Variants in AMER2 observed in about 807,000 individuals in gnomAD.
The protein encoded by AMER2 is APC membrane recruitment protein 2.
A neutral mutation model predicts 4.7 loss-of-function variants in AMER2; 1 was observed. The observed-to-expected ratio is 0.21, with a 90% confidence interval of 0.07 to 1.00. AMER2 has a LOEUF of 1.00. Among genes scored for constraint, AMER2 ranks in the 50% least tolerant of loss-of-function variants. AMER2 has a pLI of 0.60. For missense variants in AMER2, 988 were observed against 966.9 expected, an observed-to-expected ratio of 1.02 and a Z score of -0.29; for synonymous variants, 485 against 433.3, an observed-to-expected ratio of 1.12 and a Z score of -1.48.
In AMER2 at chr13:25,171,092, G is replaced by A; in HGVS notation, c.528C>T (p.Gly176=). The A allele has an allele frequency of 6.4e-7, 1 of 1,566,850 alleles. No homozygotes were observed. The highest frequency in any genetic ancestry group is 8.6e-7 in the Non-Finnish European group (1 of 1,157,750). Residue 176 remains glycine, a synonymous_variant, in exon 1 of 1, where the codon GGC becomes GGT. Transcript: ENST00000515384. This position sits in a 1 kb window ranked among gnomAD's most constrained non-coding sequence, Gnocchi z 5.9. ...LLKKNGRSEN[G]KGEPVDASKA... is the part of the protein sequence containing the mutation. ...TGCTCGCGTCCACAGGCTCTCCCTT[G>A]CCGTTTTCCGAGCGCCCGTTCTTCT...
At position 25,169,466 on chromosome 13, in the gene AMER2, T is replaced by C; in HGVS notation, c.*138A>G. The C allele has an allele frequency of 2.5e-6, 3 of 1,200,446 alleles. No homozygotes were observed. The highest frequency in any genetic ancestry group is 3.4e-5 in the South Asian group (2 of 58,272). 74.4% of individuals were successfully genotyped at this position (1,200,446 alleles called of 1,614,324 possible). A position where few individuals can be genotyped will look rare whatever the true frequency, so the allele number is the denominator to read the frequency against. On this transcript the variant is annotated 3_prime_UTR_variant, in exon 1 of 1. Coordinates refer to ENST00000515384, the MANE Select transcript of AMER2 (RefSeq NM_152704.4). The surrounding 1 kb of genome is among the most constrained non-coding windows in gnomAD (Gnocchi z 4.2). ...GCTCAGGGCACAAAGACCTCCTCGG[T>C]CCACGCTCTGGAGCAGGGCGGGGGA...
Position 25,171,855 on chromosome 13 carries a change from TGATTGCA to T in AMER2, c.-243_-237del, listed in dbSNP as rs543240039. 4.4e-4 allele frequency: 305 copies of T among 693,242 alleles called. No homozygotes were observed. The African/African-American group carries it at 5.2e-3, about 12-fold the overall frequency. 42.9% of individuals were successfully genotyped at this position (693,242 alleles called of 1,614,324 possible). On this transcript the variant is annotated 5_prime_UTR_variant, in exon 1 of 1. Coordinates refer to ENST00000515384, the MANE Select transcript of AMER2 (RefSeq NM_152704.4). This position sits in a 1 kb window ranked among gnomAD's most constrained non-coding sequence, Gnocchi z 5.9. ...AGGAGCAGGCAACACAGCCGCGAGC[TGATTGCA>T]GAAATTCGAGTCGTAATTATGGAAT... is the stretch of plus-strand genomic sequence containing the variant.
In AMER2 at chr13:25,169,987, T is replaced by C. The variant is rs1418244171; in HGVS notation, c.1633A>G (p.Ile545Val). Reference protein sequence around the residue: ...DSSSSGKKAGIPRDSYSGDAL... With the variant: ...DSSSSGKKAGVPRDSYSGDAL... ...TCCCCGCTGTAGCTATCCCGGGGGA[T>C]GCCCGCCTTCTTCCCGCTGCTCGAG... The change falls in exon 1 of 1, where the codon ATC becomes GTC. Residue 545 changes from isoleucine (I) to valine (V), a missense_variant. By Grantham distance (29) the Ile-to-Val change is conservative. Coordinates refer to ENST00000515384, the MANE Select transcript of AMER2 (RefSeq NM_152704.4). The surrounding 1 kb of genome is among the most constrained non-coding windows in gnomAD (Gnocchi z 4.2). 6.2e-7 allele frequency: 1 copy of C among 1,613,930 alleles called. No homozygotes were observed. The highest frequency in any genetic ancestry group is 8.5e-7 in the Non-Finnish European group (1 of 1,179,980).
Position 25,169,779 on chromosome 13 carries a change from T to C in AMER2, c.1841A>G (p.His614Arg). The change falls in exon 1 of 1, where the codon CAC (histidine) becomes CGC (arginine). Residue 614 changes from histidine to arginine, a missense_variant. By Grantham distance (29) the His-to-Arg change is conservative. Coordinates refer to ENST00000515384, the MANE Select transcript of AMER2 (RefSeq NM_152704.4). This position sits in a 1 kb window ranked among gnomAD's most constrained non-coding sequence, Gnocchi z 4.2. ...KDSKIPISIKHLTNLPSSHPV... is the reference protein window; with the variant it reads ...KDSKIPISIKRLTNLPSSHPV... ...ATGGCTAGATGGAAGGTTGGTCAGGTGCTTGATGCTAATAGGGATCTTAGA... is the reference window on the plus strand; with the variant it reads ...ATGGCTAGATGGAAGGTTGGTCAGGCGCTTGATGCTAATAGGGATCTTAGA... 6.2e-7 allele frequency: 1 copy of C among 1,614,198 alleles called. No homozygotes were observed. Among genetic ancestry groups the C allele is most frequent in the Non-Finnish European group, 8.5e-7 (1 of 1,180,028 alleles).
In AMER2 at chr13:25,170,926, C is replaced by T. The variant is rs772426793; in HGVS notation, c.694G>A (p.Ala232Thr). Residue 232 changes from alanine (A) to threonine (T), a missense_variant, in exon 1 of 1, where the codon GCC becomes ACC. By Grantham distance (58) the Ala-to-Thr change is moderately conservative. Coordinates refer to ENST00000515384, the MANE Select transcript of AMER2 (RefSeq NM_152704.4). This position sits in a 1 kb window ranked among gnomAD's most constrained non-coding sequence, Gnocchi z 7.3. ...TCCTCCTTGACGCACTCCAGGCTGGCGGTGAGCGAGCCGGGTAGGATCAAG... is the reference window on the plus strand; with the variant it reads ...TCCTCCTTGACGCACTCCAGGCTGGTGGTGAGCGAGCCGGGTAGGATCAAG... The part of the protein sequence containing the change: ...GGLILPGSLT[A>T]SLECVKEETP... 4.0e-6 allele frequency: 6 copies of T among 1,486,860 alleles called. No individual in the cohort carries two copies. The African/African-American group carries it at 7.3e-5, about 18-fold the overall frequency. 92.1% of individuals were successfully genotyped at this position (1,486,860 alleles called of 1,614,324 possible). A position where few individuals can be genotyped will look rare whatever the true frequency, so the allele number is the denominator to read the frequency against.
rs1485170844 is a variant in AMER2, at chr13:25,166,657, C to T, written c.*2947G>A. The T allele has an allele frequency of 4.6e-5, 7 of 152,136 alleles. No individual in the cohort carries two copies. The highest frequency in any genetic ancestry group is 1.4e-4 in the African/African-American group (6 of 41,434). 9.4% of individuals were successfully genotyped at this position (152,136 alleles called of 1,614,324 possible). On this transcript the variant is annotated 3_prime_UTR_variant, in exon 1 of 1. Coordinates refer to ENST00000515384, the MANE Select transcript of AMER2 (RefSeq NM_152704.4). ...AAGATATAATTAGCCTCTATCCAAT[C>T]CTTCCCTTAAAAAGTCAGCAAATAT...
chr13:25,169,941 GCATAGAGAT>G lies in AMER2; in HGVS notation c.1670_1678del (p.Asp557_Tyr559del). 6.2e-7 allele frequency: 1 copy of G among 1,614,164 alleles called. No individual in the cohort carries two copies. The highest frequency in any genetic ancestry group is 8.5e-7 in the Non-Finnish European group (1 of 1,180,028). On this transcript the variant is annotated inframe_deletion, in exon 1 of 1. Transcript: ENST00000515384. This position sits in a 1 kb window ranked among gnomAD's most constrained non-coding sequence, Gnocchi z 4.2. The stretch of plus-strand genomic sequence containing the variant: ...GGTTGCTGGACTTCCGTCCGGGTCA[GCATAGAGAT>G]CATAGAGCGCGTCCCCGCTGTAGCT...
rs946327141 is a variant in AMER2 at position 25,170,750 on chromosome 13, G to A, written c.870C>T (p.Pro290=). The A allele has an allele frequency of 2.7e-5, 38 of 1,400,172 alleles. No homozygotes were observed. The highest frequency in any genetic ancestry group is 2.8e-5 in the Non-Finnish European group (30 of 1,087,142). The allele number at this position is 1,400,172 out of a possible 1,614,324, so 86.7% of individuals were successfully genotyped here. Residue 290 remains proline (P), a synonymous_variant, in exon 1 of 1, where the codon CCC becomes CCT. Transcript: ENST00000515384. This position sits in a 1 kb window ranked among gnomAD's most constrained non-coding sequence, Gnocchi z 7.3. ...SCREAEGLAH[P]GDTGARGEDA... ...CCTCTCCCCGGGCGCCGGTGTCGCC[G>A]GGGTGCGCGAGGCCCTCTGCCTCTC...
At position 25,171,198 on chromosome 13, in the gene AMER2, G is replaced by A. The variant is rs1290781617; in HGVS notation, c.422C>T (p.Pro141Leu). The A allele has an allele frequency of 2.1e-6, 3 of 1,421,780 alleles. No individual in the cohort carries two copies. The highest frequency in any genetic ancestry group is 1.6e-5 in the South Asian group (1 of 62,424). The allele number at this position is 1,421,780 out of a possible 1,614,324, so 88.1% of individuals were successfully genotyped here. The part of the protein sequence containing the change: ...GGGGGRPNPG[P>L]PRAAGPGGGS... ...CCCGCCGGGCCCTGCGGCTCTGGGG[G>A]GCCCCGGGTTCGGCCGCCCCCCGCC... is the stretch of plus-strand genomic sequence containing the variant. The change falls in exon 1 of 1, where the codon CCC becomes CTC. Residue 141 changes from proline to leucine, a missense_variant. Transcript: ENST00000515384. The surrounding 1 kb of genome is among the most constrained non-coding windows in gnomAD (Gnocchi z 5.9).
chr13:25,169,847 G>T lies in AMER2; in HGVS notation c.1773C>A (p.Thr591=). Residue 591 remains threonine, a synonymous_variant, in exon 1 of 1, where the codon ACC becomes ACA. Coordinates refer to ENST00000515384, the MANE Select transcript of AMER2 (RefSeq NM_152704.4). The surrounding 1 kb of genome is among the most constrained non-coding windows in gnomAD (Gnocchi z 4.2). ...CTGGTGTTCGCAGTGGACAGGTGAT[G>T]GTGCCTGGAGATACGGGCTTTAACC... ...LSRLKPVSPG[T]ITCPLRTPGS... 5 of 1,614,106 alleles carry T rather than the reference G, an allele frequency of 3.1e-6. No homozygotes were observed. Among genetic ancestry groups the T allele is most frequent in the Non-Finnish European group, 4.2e-6 (5 of 1,179,972 alleles).
rs1159078693 is a variant in AMER2 at position 25,170,220 on chromosome 13, T to C, written c.1400A>G (p.Lys467Arg). The change falls in exon 1 of 1, where the codon AAG (lysine) becomes AGG (arginine). Residue 467 changes from lysine to arginine, a missense_variant. By Grantham distance (26) the Lys-to-Arg change is conservative. Coordinates refer to ENST00000515384, the MANE Select transcript of AMER2 (RefSeq NM_152704.4). The surrounding 1 kb of genome is among the most constrained non-coding windows in gnomAD (Gnocchi z 7.3). ...AAKVAAALET[K>R]VVPETPKDTR... Reference sequence around the variant, plus strand: ...GTCTTTGGGGGTCTCGGGCACCACCTTGGTTTCCAGCGCAGCTGCCACCTT... The same window carrying C: ...GTCTTTGGGGGTCTCGGGCACCACCCTGGTTTCCAGCGCAGCTGCCACCTT... 3.7e-6 allele frequency: 6 copies of C among 1,612,508 alleles called. No homozygotes were observed. In the Admixed American group the frequency reaches 6.7e-5, roughly 18 times the overall value.
rs376559630 is a variant in AMER2 at position 25,169,594 on chromosome 13, C to T, written c.*10G>A. 2 of 1,561,574 alleles carry T rather than the reference C, an allele frequency of 1.3e-6. No individual in the cohort carries two copies. Among genetic ancestry groups the T allele is most frequent in the African/African-American group, 2.7e-5 (2 of 73,446 alleles). ...TGGCATGGGGCCCATCCACCTTGGC[C>T]TGGAAGACCTCACAACTTTTTGGCA... On this transcript the variant is annotated 3_prime_UTR_variant, in exon 1 of 1. Coordinates refer to ENST00000515384, the MANE Select transcript of AMER2 (RefSeq NM_152704.4). This position sits in a 1 kb window ranked among gnomAD's most constrained non-coding sequence, Gnocchi z 4.2.
At position 25,170,474 on chromosome 13, in the gene AMER2, T is replaced by G. The variant is rs745614355; in HGVS notation, c.1146A>C (p.Gly382=). 11 of 1,614,134 alleles carry G rather than the reference T, an allele frequency of 6.8e-6. No homozygotes were observed. The highest frequency in any genetic ancestry group is 8.5e-6 in the Non-Finnish European group (10 of 1,180,010). ...CTTCCTCTTGGTCTGCAATAATATC[T>G]CCACAGCCTGTAAGAGAGTCAAAGC... ...LKSFDSLTGC[G]DIIADQEEEA... is the part of the protein sequence containing the mutation. The change falls in exon 1 of 1, where the codon GGA becomes GGC. Residue 382 remains glycine, a synonymous_variant. Transcript: ENST00000515384. The surrounding 1 kb of genome is among the most constrained non-coding windows in gnomAD (Gnocchi z 7.3).
Position 25,170,213 on chromosome 13 carries a change from C to T in AMER2, c.1407G>A (p.Val469=). The T allele has an allele frequency of 6.2e-7, 1 of 1,612,184 alleles. No individual in the cohort carries two copies. Among genetic ancestry groups the T allele is most frequent in the Non-Finnish European group, 8.5e-7 (1 of 1,178,942 alleles). ...KVAAALETKV[V]PETPKDTRCV... ...ACCTGGTGTCTTTGGGGGTCTCGGG[C>T]ACCACCTTGGTTTCCAGCGCAGCTG... is the stretch of plus-strand genomic sequence containing the variant. The change falls in exon 1 of 1, where the codon GTG becomes GTA. Residue 469 remains valine, a synonymous_variant. Transcript: ENST00000515384. The surrounding 1 kb of genome is among the most constrained non-coding windows in gnomAD (Gnocchi z 7.3).
Position 25,171,215 on chromosome 13 carries a change from C to T in AMER2, c.405G>A (p.Gly135=), listed in dbSNP as rs767912054. The T allele has an allele frequency of 6.4e-5, 87 of 1,369,462 alleles. No individual in the cohort carries two copies. The highest frequency in any genetic ancestry group is 7.6e-5 in the Non-Finnish European group (81 of 1,066,444). 84.8% of individuals were successfully genotyped at this position (1,369,462 alleles called of 1,614,324 possible). The part of the protein sequence containing the change: ...GGGDSGGGGG[G]RPNPGPPRAA... ...CTCTGGGGGGCCCCGGGTTCGGCCG[C>T]CCCCCGCCGCCCCCGCCGCTGTCGC... The change falls in exon 1 of 1, where the codon GGG becomes GGA. Residue 135 remains glycine (G), a synonymous_variant. Coordinates refer to ENST00000515384, the MANE Select transcript of AMER2 (RefSeq NM_152704.4). The surrounding 1 kb of genome is among the most constrained non-coding windows in gnomAD (Gnocchi z 5.9).
Position 25,171,349 on chromosome 13 carries a change from C to T in AMER2, c.271G>A (p.Asp91Asn), listed in dbSNP as rs766609496. The change falls in exon 1 of 1, where the codon GAC (aspartate) becomes AAC (asparagine). Residue 91 changes from aspartate to asparagine, a missense_variant. By Grantham distance (23) the Asp-to-Asn change is conservative (BLOSUM62 1). Coordinates refer to ENST00000515384, the MANE Select transcript of AMER2 (RefSeq NM_152704.4). This position sits in a 1 kb window ranked among gnomAD's most constrained non-coding sequence, Gnocchi z 5.9. ...PSIFGVKNKGDGKSSGPTGLV... is the reference protein window; with the variant it reads ...PSIFGVKNKGNGKSSGPTGLV... ...CCCGTCGGACCCGAGCTTTTCCCGT[C>T]CCCTTTGTTTTTGACCCCAAAAATG... 1.2e-6 allele frequency: 2 copies of T among 1,611,374 alleles called. No individual in the cohort carries two copies. The highest frequency in any genetic ancestry group is 1.7e-6 in the Non-Finnish European group (2 of 1,179,216).
In AMER2 at chr13:25,165,343, C is replaced by A. The variant is rs1399173785; in HGVS notation, c.*4261G>T. 6.6e-6 allele frequency: 1 copy of A among 152,282 alleles called. No homozygotes were observed. Among genetic ancestry groups the A allele is most frequent in the Admixed American group, 6.5e-5 (1 of 15,288 alleles). The allele number at this position is 152,282 out of a possible 1,614,324, so 9.4% of individuals were successfully genotyped here. A position where few individuals can be genotyped will look rare whatever the true frequency, so the allele number is the denominator to read the frequency against. The stretch of plus-strand genomic sequence containing the variant: ...CCGCCTGTGAGGAGCCACACTTACA[C>A]GCTGCACTGACAATGTCACAGCTCG... On this transcript the variant is annotated 3_prime_UTR_variant, in exon 1 of 1. Transcript: ENST00000515384.
chr13:25,170,826 C>T lies in AMER2; in HGVS notation c.794G>A (p.Gly265Glu), dbSNP rs780402695. 2.1e-6 allele frequency: 3 copies of T among 1,423,056 alleles called. No homozygotes were observed. The East Asian group carries it at 8.3e-5, about 39-fold the overall frequency. 88.2% of individuals were successfully genotyped at this position (1,423,056 alleles called of 1,614,324 possible). A position where few individuals can be genotyped will look rare whatever the true frequency, so the allele number is the denominator to read the frequency against. The change falls in exon 1 of 1, where the codon GGG becomes GAG. Residue 265 changes from glycine (G) to glutamate (E), a missense_variant. Transcript: ENST00000515384. This position sits in a 1 kb window ranked among gnomAD's most constrained non-coding sequence, Gnocchi z 7.3. ...APRDPAGEPA[G>E]GEEVPAPADR... Reference sequence around the variant, plus strand: ...GGCGGGGGCGGGCACCTCCTCTCCCCCTGCGGGCTCACCTGCTGGGTCTCG... The same window carrying T: ...GGCGGGGGCGGGCACCTCCTCTCCCTCTGCGGGCTCACCTGCTGGGTCTCG...
chr13:25,170,870 C>T lies in AMER2; in HGVS notation c.750G>A (p.Glu250=), dbSNP rs1352079286. The T allele has an allele frequency of 5.5e-6, 8 of 1,454,810 alleles. No individual in the cohort carries two copies. Among genetic ancestry groups the T allele is most frequent in the Non-Finnish European group, 7.2e-6 (8 of 1,112,240 alleles). The allele number at this position is 1,454,810 out of a possible 1,614,324, so 90.1% of individuals were successfully genotyped here. A position where few individuals can be genotyped will look rare whatever the true frequency, so the allele number is the denominator to read the frequency against. The change falls in exon 1 of 1, where the codon GAG becomes GAA. Residue 250 remains glutamate, a synonymous_variant. Transcript: ENST00000515384. This position sits in a 1 kb window ranked among gnomAD's most constrained non-coding sequence, Gnocchi z 7.3. ...GGTCTCGCGGGGCGTCCTGGCTGGGCTCCTCCGGCTCGCGCGCGGCTCTGG... is the reference window on the plus strand; with the variant it reads ...GGTCTCGCGGGGCGTCCTGGCTGGGTTCCTCCGGCTCGCGCGCGGCTCTGG... ...ETPRAAREPE[E]PSQDAPRDPA... is the part of the protein sequence containing the mutation.
Sources: gnomAD v4.1 joint callset for allele counts on GRCh38, gnomAD v4.1.1 for gene constraint, Gnocchi (gnomAD v3.1) non-coding constraint, MANE v1.5 for transcripts, NCBI Gene and HGNC (gene_info 2026-07-23, HGNC 2026-07-21) for gene names.